PPA2: variants seen among roughly 807,000 people sequenced by gnomAD.
PPA2 encodes inorganic pyrophosphatase 2, mitochondrial.
Under a neutral mutation model 49.5 loss-of-function variants are expected in PPA2, and 48 were observed. The observed-to-expected ratio is 0.97, with a 90% confidence interval of 0.77 to 1.23. The LOEUF (loss-of-function observed/expected upper bound fraction) is 1.23. PPA2 is among the 50% of genes most tolerant of loss of function. The probability of loss-of-function intolerance (pLI) is 0.00; values close to 1 mark genes in which losing one functional copy is unlikely to be tolerated. For synonymous variants in PPA2, 131 were observed against 139.9 expected (o/e 0.94, Z 0.45); for missense variants, 429 against 410.1 (o/e 1.05, Z -0.40).
At chr4:105,441,164 C>T (rs1994637) in intron 5 of PPA2, among the ~76,000 whole-genome samples, 81,677 of 151,892 alleles carry the variant, frequency 0.54, 22,220 homozygotes, top group East Asian at 0.68. Context: ...GAAGAAATAT[C>T]AAGAAGCAGA....
chr4:105,426,092 TG>T (rs1723493407), intron 6 of PPA2, among the ~76,000 whole-genome samples: 1 of 152,184 alleles, frequency 6.6e-6, no homozygotes, highest in Non-Finnish European at 1.5e-5. Flanking sequence ...GTTATGTGTG[TG>T]TATACATATG....
chr4:105,380,277 T>C (rs781592110), intron 10 of PPA2, among the ~76,000 whole-genome samples: 3 of 152,238 alleles, frequency 2.0e-5, no homozygotes, highest in Non-Finnish European at 4.4e-5. Flanking sequence ...GTCAAATTTA[T>C]TGATATAAAA....
intron 9 of PPA2, among the ~76,000 whole-genome samples, chr4:105,388,906 G>T (rs1461758864): frequency 6.6e-6 from 1 of 151,394 alleles, no homozygotes; most frequent in Non-Finnish European, 1.5e-5. Context: ...GAACTTAGGA[G>T]ATTCTTGTAA....
chr4:105,440,408 C>T (rs1295574238), intron 5 of PPA2, among the ~76,000 whole-genome samples: 1 of 151,886 alleles, frequency 6.6e-6, no homozygotes, highest in African/African-American at 2.4e-5. Flanking sequence ...ACTACAGGCG[C>T]CCACCACCAC....
At position 105,431,009 on chromosome 4, in the gene PPA2, C is replaced by A. The variant is rs138453332; in HGVS notation, c.529-6687G>T. On this transcript the variant is annotated intron_variant, in intron 6 of 11. Coordinates refer to ENST00000341695, the MANE Select transcript of PPA2 (RefSeq NM_176869.3). ...GAATGGAAGACCTGGGATTCATACC[C>A]CAAACTGAGCCAAAGCTTCTTCTCC... is the stretch of plus-strand genomic sequence containing the variant. Among the ~76,000 whole-genome samples the A allele has an allele frequency of 3.9e-5, 6 of 152,238 alleles. No individual in the cohort carries two copies. In the East Asian group the frequency reaches 7.7e-4, roughly 20 times the overall value.
chr4:105,454,299 C>CTGTTGTTGTTGT (rs777684225), intron 2 of PPA2, among the ~76,000 whole-genome samples: 1 of 101,466 alleles, frequency 9.9e-6, no homozygotes, highest in Non-Finnish European at 1.9e-5. Flanking sequence ...GTTTTTGCTG[C>CTGTTGTTGTTGT]TGCTGTTGTT....
chr4:105,444,593 G>A (rs781704278), intron 5 of PPA2, among the ~76,000 whole-genome samples: 1 of 152,156 alleles, frequency 6.6e-6, no homozygotes, highest in Non-Finnish European at 1.5e-5. Context: ...ACATCCAGAG[G>A]AGCACAGAAG....
chr4:105,399,242 G>C lies in PPA2; in HGVS notation c.656-78C>G, dbSNP rs1490593. The C allele has an allele frequency of 0.45, 639,081 of 1,412,048 alleles. 151,107 individuals are homozygous for C. Among genetic ancestry groups the C allele is most frequent in the East Asian group, 0.71 (30,746 of 43,470 alleles). 87.5% of individuals were successfully genotyped at this position (1,412,048 alleles called of 1,614,324 possible). ...TTTAGTGGCAGAGCATTGGACTGAGGGAGCCAGGAAACATGGGGCCCAGTC... is the reference window on the plus strand; with the variant it reads ...TTTAGTGGCAGAGCATTGGACTGAGCGAGCCAGGAAACATGGGGCCCAGTC... On this transcript the variant is annotated intron_variant, in intron 7 of 11. Transcript: ENST00000341695.
At chr4:105,406,182 G>A (rs1458272742) in intron 7 of PPA2, among the ~76,000 whole-genome samples, 2 of 147,526 alleles carry the variant, frequency 1.4e-5, no homozygotes, top group Non-Finnish European at 3.0e-5. Context: ...ACAGCAGAAC[G>A]TGGATATGGC....
intron 3 of PPA2, among the ~76,000 whole-genome samples, chr4:105,451,679 C>G (rs17035605): frequency 0.033 from 5,024 of 152,250 alleles, 274 homozygotes; most frequent in African/African-American, 0.11. Context: ...GAAGACCAAG[C>G]TGGTGACAAT....
intron 1 of PPA2, 172 bp downstream of exon 1, chr4:105,473,722 G>T: frequency 9.7e-7 from 1 of 1,027,122 alleles, no homozygotes; most frequent in Non-Finnish European, 1.5e-6. Context: ...CAGTTCTCGT[G>T]ACTCGGTGCG....
At position 105,470,621 on chromosome 4, in the gene PPA2, TCTA is replaced by T. The variant is rs200633155; in HGVS notation, c.157+3270_157+3272del. ...CACCTTATTTTCTCCCTTCACAGAA[TCTA>T]ATAATAAGGATTTTAGTCTAATGTC... On this transcript the variant is annotated intron_variant, in intron 1 of 11. Coordinates refer to ENST00000341695, the MANE Select transcript of PPA2 (RefSeq NM_176869.3). Among the ~76,000 whole-genome samples, 1,494 of 152,360 alleles carry T rather than the reference TCTA, an allele frequency of 9.8e-3. 32 individuals are homozygous for T. Among genetic ancestry groups the T allele is most frequent in the African/African-American group, 0.034 (1,416 of 41,586 alleles).
At chr4:105,386,735 A>G in intron 9 of PPA2, 99 bp from the exon 10 acceptor site, 2 of 899,454 alleles carry the variant, frequency 2.2e-6, no homozygotes, top group Non-Finnish European at 1.7e-6. Flanking sequence ...CATCTGTTGT[A>G]TAATTTTAAC....
At chr4:105,370,753 T>C in intron 11 of PPA2, 84 bp downstream of exon 11, 3 of 1,268,520 alleles carry the variant, frequency 2.4e-6, no homozygotes, top group Non-Finnish European at 3.1e-6. Flanking sequence ...ATCTATTTTA[T>C]TTTTAGTTTT....
intron 9 of PPA2, among the ~76,000 whole-genome samples, chr4:105,387,178 T>C (rs1428270386): frequency 2.6e-5 from 4 of 152,124 alleles, no homozygotes; most frequent in Non-Finnish European, 5.9e-5. Context: ...GAAGCCTCCA[T>C]AGAGTCAAAA....
At chr4:105,410,172 G>T (rs894402691) in intron 7 of PPA2, among the ~76,000 whole-genome samples, 1 of 152,140 alleles carries the variant, frequency 6.6e-6, no homozygotes, top group Admixed American at 6.6e-5. Flanking sequence ...CTTGAAAAAG[G>T]TTACACAAAT....
rs554508169 is a variant in PPA2 at position 105,399,822 on chromosome 4, A to C, written c.656-658T>G. On this transcript the variant is annotated intron_variant, in intron 7 of 11. Transcript: ENST00000341695. ...TTGTTTTCTGCAGTTTCAGTTACCT[A>C]CAGTCAACTGAATCCAGAAATATTA... is the stretch of plus-strand genomic sequence containing the variant. Among the ~76,000 whole-genome samples the C allele has an allele frequency of 4.6e-5, 7 of 152,306 alleles. No individual in the cohort carries two copies. In the East Asian group the frequency reaches 1.4e-3, roughly 29 times the overall value.
intron 6 of PPA2, among the ~76,000 whole-genome samples, chr4:105,436,399 A>G (rs1724059528): frequency 6.6e-6 from 1 of 152,186 alleles, no homozygotes; most frequent in African/African-American, 2.4e-5. Context: ...GCTCAAAGCA[A>G]TCTGGAGATT....
At chr4:105,457,353 A>G (rs1656275024) in intron 1 of PPA2, among the ~76,000 whole-genome samples, 1 of 152,246 alleles carries the variant, frequency 6.6e-6, no homozygotes, top group Non-Finnish European at 1.5e-5. Flanking sequence ...AATAAACACA[A>G]TGCCTTGTAA....
Sources: gnomAD v4.1 joint callset for allele counts (sites outside exome capture counted in the v4.1 genomes callset) on GRCh38, gnomAD v4.1.1 for gene constraint, MANE v1.5 for transcripts, NCBI Gene and HGNC (gene_info 2026-07-23, HGNC 2026-07-21) for gene names.